Variants in ARID1B observed in about 807,000 individuals in gnomAD.
ARID1B encodes the protein AT-rich interactive domain-containing protein 1B.
ARID1B carries 30 observed loss-of-function variants against 212.3 expected under a neutral mutation model. The ratio of observed to expected loss-of-function variants is 0.14; its 90% CI spans 0.11 to 0.19. ARID1B has a LOEUF of 0.19. Among genes scored for constraint, ARID1B ranks in the 10% least tolerant of loss-of-function variants. The pLI is 1.00. For missense variants in ARID1B, 2,891 were observed against 3,204.0 expected (o/e 0.90, Z 2.36); for synonymous variants, 1,402 against 1,301.7 (o/e 1.08, Z -1.66).
At chr6:157,032,050 G>A (rs1447569115) in intron 4 of ARID1B, among the ~76,000 whole-genome samples, 2 of 152,192 alleles carry the variant, frequency 1.3e-5, no homozygotes, top group African/African-American at 4.8e-5. Context: ...TCCTGCCTCG[G>A]CCTGCCAAAG....
At chr6:156,934,528 A>G (rs1313341526) in intron 3 of ARID1B, among the ~76,000 whole-genome samples, 2 of 152,064 alleles carry the variant, frequency 1.3e-5, no homozygotes, top group East Asian at 1.9e-4. Context: ...ATTCTTTATG[A>G]TGGTTCTCTG....
In ARID1B at chr6:156,799,695, C is replaced by T. The variant is rs147861921; in HGVS notation, c.1791+20224C>T. Among the ~76,000 whole-genome samples the T allele has an allele frequency of 8.0e-3, 1,213 of 152,260 alleles. 15 individuals are homozygous for T. Among genetic ancestry groups the T allele is most frequent in the African/African-American group, 0.028 (1,155 of 41,540 alleles). On this transcript the variant is annotated intron_variant, in intron 1 of 19. Coordinates refer to ENST00000636930, the MANE Select transcript of ARID1B (RefSeq NM_001374828.1). ...GTTTCACCATGTTGGCAAGGCTGGT[C>T]TCGAACTCGTGACCTCAAGTGATCT...
intron 13 of ARID1B, 147 bp downstream of exon 13, chr6:157,184,582 T>C (rs1361228850): frequency 9.9e-6 from 9 of 906,348 alleles, no homozygotes; most frequent in Non-Finnish European, 1.4e-5. Flanking sequence ...GTTTATTTAA[T>C]TGGACGCCCA....
At chr6:156,865,438 A>G (rs1255014955) in intron 2 of ARID1B, among the ~76,000 whole-genome samples, 4 of 152,222 alleles carry the variant, frequency 2.6e-5, no homozygotes, top group Non-Finnish European at 5.9e-5. Context: ...TGAAGTTTGA[A>G]GCCATTCTTG....
intron 1 of ARID1B, among the ~76,000 whole-genome samples, chr6:156,793,176 G>C (rs747168067): frequency 6.6e-6 from 1 of 152,118 alleles, no homozygotes; most frequent in Non-Finnish European, 1.5e-5. Context: ...GAAGGCAAAA[G>C]GGAATTCTGT....
chr6:156,896,396 A>C (rs1303340727), intron 2 of ARID1B, among the ~76,000 whole-genome samples: 1 of 150,694 alleles, frequency 6.6e-6, no homozygotes, highest in Admixed American at 6.6e-5. Flanking sequence ...GACCAATATG[A>C]TGAAACCCAT....
At chr6:156,996,803 C>T (rs925054127) in intron 4 of ARID1B, among the ~76,000 whole-genome samples, 7 of 152,096 alleles carry the variant, frequency 4.6e-5, no homozygotes, top group Non-Finnish European at 1.0e-4. Flanking sequence ...TTTACAATTG[C>T]GTTAATGTCC....
intron 5 of ARID1B, among the ~76,000 whole-genome samples, chr6:157,106,023 A>T (rs1031880897): frequency 2.6e-5 from 4 of 152,198 alleles, no homozygotes; most frequent in African/African-American, 9.7e-5. Flanking sequence ...GAAATTTGGA[A>T]TTGTGTAACC....
chr6:157,076,859 T>G (rs1480142143), intron 4 of ARID1B, among the ~76,000 whole-genome samples: 1 of 152,220 alleles, frequency 6.6e-6, no homozygotes, highest in African/African-American at 2.4e-5. Flanking sequence ...CCCATCTCTC[T>G]CTCTTCCTCA....
chr6:156,863,618 A>C (rs549258269), intron 2 of ARID1B, among the ~76,000 whole-genome samples: 1 of 152,300 alleles, frequency 6.6e-6, no homozygotes, highest in African/African-American at 2.4e-5. Context: ...CCTGTGAAAC[A>C]CAGGAGAGTT....
chr6:157,084,134 C>T (rs1432572209), intron 4 of ARID1B, among the ~76,000 whole-genome samples: 2 of 133,624 alleles, frequency 1.5e-5, no homozygotes, highest in African/African-American at 5.9e-5. Context: ...GACTTCATCA[C>T]CTCCCCCCCA....
At chr6:157,021,954 T>C (rs1780323163) in intron 4 of ARID1B, among the ~76,000 whole-genome samples, 1 of 152,172 alleles carries the variant, frequency 6.6e-6, no homozygotes, top group South Asian at 2.1e-4. Flanking sequence ...TAAGGTTTTA[T>C]TTTTCCCCTA....
intron 4 of ARID1B, among the ~76,000 whole-genome samples, chr6:157,004,031 C>G (rs758506346): frequency 4.0e-5 from 6 of 151,806 alleles, no homozygotes; most frequent in Non-Finnish European, 8.8e-5. Context: ...AACCCTGTGT[C>G]AAAACAAACA....
intron 7 of ARID1B, among the ~76,000 whole-genome samples, chr6:157,137,751 G>T (rs1286061577): frequency 6.6e-6 from 1 of 152,162 alleles, no homozygotes; most frequent in East Asian, 1.9e-4. Context: ...AGTCTGGGAA[G>T]GGCCACCACA....
At chr6:156,967,069 A>AATCTG (rs755158614) in intron 4 of ARID1B, among the ~76,000 whole-genome samples, 16 of 152,182 alleles carry the variant, frequency 1.1e-4, no homozygotes, top group Non-Finnish European at 2.1e-4. Context: ...TCTTCTTCTC[A>AATCTG]ATCTGGTCTT....
chr6:156,979,100 T>C (rs961650135), intron 4 of ARID1B, among the ~76,000 whole-genome samples: 1 of 152,240 alleles, frequency 6.6e-6, no homozygotes, highest in African/African-American at 2.4e-5. Context: ...AGTTTCCAGA[T>C]TGTGATTTAA....
Position 157,087,822 on chromosome 6 carries a change from C to T in ARID1B, c.2491+2917C>T, listed in dbSNP as rs549799865. On this transcript the variant is annotated intron_variant, in intron 5 of 19. Transcript: ENST00000636930. ...CTTCTAGAAAAAAAAAAAAAGTCCA[C>T]GTTCCTCTTGGAGTTTGAGCCTGAG... 3.3e-5 allele frequency among the ~76,000 whole-genome samples: 5 copies of T among 149,812 alleles called. No individual in the cohort carries two copies. In the South Asian group the frequency reaches 6.3e-4, roughly 19 times the overall value.
intron 4 of ARID1B, among the ~76,000 whole-genome samples, chr6:156,962,934 A>C (rs575460350): frequency 7.7e-6 from 1 of 130,200 alleles, no homozygotes; most frequent in Admixed American, 7.6e-5. Context: ...GGCGTGCGCC[A>C]CCACGGCCAG....
At chr6:157,073,851 A>T (rs989893177) in intron 4 of ARID1B, among the ~76,000 whole-genome samples, 2 of 152,218 alleles carry the variant, frequency 1.3e-5, no homozygotes, top group African/African-American at 4.8e-5. Context: ...GATCATGCTT[A>T]GTGCTGCTTT....
Sources: gnomAD v4.1 joint callset for allele counts (sites outside exome capture counted in the v4.1 genomes callset) on GRCh38, gnomAD v4.1.1 for gene constraint, MANE v1.5 for transcripts, NCBI Gene and HGNC (gene_info 2026-07-23, HGNC 2026-07-21) for gene names.